SMYD2: variants seen among roughly 807,000 people sequenced by gnomAD.
SMYD2 encodes SET and MYND domain containing 2.
A neutral mutation model predicts 59.1 loss-of-function variants in SMYD2; 53 were observed. That is an observed-to-expected ratio of 0.90 (90% CI 0.72 to 1.13). The LOEUF is 1.13. Ranked by LOEUF, SMYD2 falls within the 50% of genes most tolerant of loss-of-function variation. The pLI is 0.00. For synonymous variants in SMYD2, 208 were observed against 198.8 expected (o/e 1.05, Z -0.39); for missense variants, 494 against 544.7 (o/e 0.91, Z 0.93).
intron 1 of SMYD2, among the ~76,000 whole-genome samples, chr1:214,295,701 G>T (rs899384502): frequency 6.6e-6 from 1 of 152,190 alleles, no homozygotes; most frequent in Non-Finnish European, 1.5e-5. Flanking sequence ...GCTGCACGTG[G>T]GTCCCGTTCA....
At chr1:214,299,942 A>G (rs1256902549) in intron 1 of SMYD2, among the ~76,000 whole-genome samples, 2 of 152,156 alleles carry the variant, frequency 1.3e-5, no homozygotes, top group African/African-American at 4.8e-5. Flanking sequence ...AACATTGGGT[A>G]TTCATGGATG....
intron 1 of SMYD2, among the ~76,000 whole-genome samples, chr1:214,284,346 C>T (rs1656499026): frequency 1.3e-5 from 2 of 148,162 alleles, no homozygotes; most frequent in Non-Finnish European, 3.0e-5. Flanking sequence ...CCACAACCTC[C>T]ACCTCCCCGG....
At chr1:214,335,330 A>G (rs530051072) in intron 11 of SMYD2, among the ~76,000 whole-genome samples, 99 of 152,346 alleles carry the variant, frequency 6.5e-4, no homozygotes, top group African/African-American at 2.1e-3. Flanking sequence ...AGAATTAGCC[A>G]TTTGGGTCAC....
At chr1:214,288,463 C>G (rs373474183) in intron 1 of SMYD2, among the ~76,000 whole-genome samples, 1 of 152,266 alleles carries the variant, frequency 6.6e-6, no homozygotes, top group East Asian at 1.9e-4. Flanking sequence ...TCCTGTGCCC[C>G]CCTTTGGCCT....
chr1:214,283,314 A>G (rs1295079753), intron 1 of SMYD2, among the ~76,000 whole-genome samples: 1 of 152,166 alleles, frequency 6.6e-6, no homozygotes, highest in Non-Finnish European at 1.5e-5. Flanking sequence ...ATTGACATTT[A>G]TTAGTGTTAC....
chr1:214,315,463 G>A (rs1459874672), intron 3 of SMYD2, among the ~76,000 whole-genome samples: 1 of 152,188 alleles, frequency 6.6e-6, no homozygotes, highest in Non-Finnish European at 1.5e-5. Context: ...AGGTGCCCTT[G>A]ATGGAAACAG....
intron 1 of SMYD2, among the ~76,000 whole-genome samples, chr1:214,304,260 C>G (rs1345787048): frequency 6.6e-6 from 1 of 151,972 alleles, no homozygotes. Context: ...ATACAGTATT[C>G]AAGAATCTAT....
chr1:214,300,898 C>T (rs958304), intron 1 of SMYD2, among the ~76,000 whole-genome samples: 42,779 of 152,074 alleles, frequency 0.28, 6,456 homozygotes, highest in Non-Finnish European at 0.34. Context: ...CAGGGTCCCT[C>T]TGTACTCTTA....
At chr1:214,328,800 G>T (rs2102477547) in intron 7 of SMYD2, among the ~76,000 whole-genome samples, 1 of 152,330 alleles carries the variant, frequency 6.6e-6, no homozygotes, top group South Asian at 2.1e-4. Flanking sequence ...TACGATGAGG[G>T]TGTGTCCCCT....
chr1:214,294,496 C>T (rs1252668423), intron 1 of SMYD2, among the ~76,000 whole-genome samples: 2 of 152,144 alleles, frequency 1.3e-5, no homozygotes, highest in African/African-American at 2.4e-5. Flanking sequence ...GGTGAAACCC[C>T]GTCTCTACTA....
chr1:214,309,746 G>A (rs1656969434), intron 2 of SMYD2, among the ~76,000 whole-genome samples: 1 of 152,156 alleles, frequency 6.6e-6, no homozygotes, highest in Admixed American at 6.5e-5. Flanking sequence ...TTAAATTTGG[G>A]CCACTCTTTT....
chr1:214,288,581 A>G (rs559163209), intron 1 of SMYD2, among the ~76,000 whole-genome samples: 31 of 152,324 alleles, frequency 2.0e-4, no homozygotes, highest in African/African-American at 7.0e-4. Flanking sequence ...ATTGAATAGA[A>G]TTTATAATTG....
At chr1:214,290,615 T>C (rs939142450) in intron 1 of SMYD2, among the ~76,000 whole-genome samples, 1 of 152,030 alleles carries the variant, frequency 6.6e-6, no homozygotes, top group Admixed American at 6.6e-5. Flanking sequence ...GGAGTCACCA[T>C]GGAGGAGAGG....
chr1:214,307,328 G>T (rs1656931114), intron 2 of SMYD2, among the ~76,000 whole-genome samples: 2 of 152,216 alleles, frequency 1.3e-5, no homozygotes, highest in African/African-American at 4.8e-5. Context: ...CTATATACAG[G>T]TGTGAGGAGT....
chr1:214,286,851 CT>C (rs1656555867), intron 1 of SMYD2, among the ~76,000 whole-genome samples: 1 of 48,702 alleles, frequency 2.1e-5, no homozygotes, highest in Non-Finnish European at 3.4e-5. Flanking sequence ...ACTCTGATCT[CT>C]CTTCTTTTTT....
At chr1:214,293,302 C>T (rs1656669013) in intron 1 of SMYD2, among the ~76,000 whole-genome samples, 1 of 152,170 alleles carries the variant, frequency 6.6e-6, no homozygotes, top group Non-Finnish European at 1.5e-5. Flanking sequence ...GATCTACCCA[C>T]CTTGGCCTCT....
chr1:214,312,860 G>C lies in SMYD2; in HGVS notation c.238-1902G>C, dbSNP rs1437179789. Among the ~76,000 whole-genome samples the C allele has an allele frequency of 6.6e-6, 1 of 152,196 alleles. No homozygotes were observed. The highest frequency in any genetic ancestry group is 1.5e-5 in the Non-Finnish European group (1 of 68,054). On this transcript the variant is annotated intron_variant, in intron 2 of 11. Coordinates refer to ENST00000366957, the MANE Select transcript of SMYD2 (RefSeq NM_020197.3). The surrounding 1 kb of genome is among the most constrained non-coding windows in gnomAD (Gnocchi z 4.1). ...TTTGAGCTGAGGACTGGCCTGATCC[G>C]AGTTTTGTCAACAGAATCCCTCAGG...
intron 2 of SMYD2, 124 bp downstream of exon 2, chr1:214,305,374 C>T: frequency 2.1e-6 from 2 of 971,744 alleles, no homozygotes; most frequent in Non-Finnish European, 3.2e-6. Flanking sequence ...GGCTGGATAT[C>T]CTTGGATGTG....
Position 214,314,767 on chromosome 1 carries a change from A to G in SMYD2, c.243A>G (p.Glu81=), listed in dbSNP as rs751636270. ...GTTTTTTTCAATCTTCCCAGAAAGA[A>G]GATTGGCCCATGCACAAGCTGGAAT... The part of the protein sequence containing the change: ...AFYCNVECQK[E]DWPMHKLECS... The change falls in exon 3 of 12, where the codon GAA becomes GAG. Residue 81 remains glutamate (E), a synonymous_variant. Transcript: ENST00000366957. 3.1e-6 allele frequency: 5 copies of G among 1,613,174 alleles called. No individual in the cohort carries two copies. In the Admixed American group the frequency reaches 8.3e-5, roughly 27 times the overall value.
Sources: gnomAD v4.1 joint callset for allele counts (sites outside exome capture counted in the v4.1 genomes callset) on GRCh38, gnomAD v4.1.1 for gene constraint, Gnocchi (gnomAD v3.1) non-coding constraint, MANE v1.5 for transcripts, NCBI Gene and HGNC (gene_info 2026-07-23, HGNC 2026-07-21) for gene names.